TMEM132B: variants seen among roughly 807,000 people sequenced by gnomAD.
TMEM132B encodes the protein transmembrane protein 132B.
In TMEM132B, 18 loss-of-function variants were observed where a neutral mutation model predicts 90.8. The observed-to-expected ratio is 0.20, with a 90% CI of 0.14 to 0.29. The LOEUF is 0.29. Among genes scored for constraint, TMEM132B ranks in the 10% least tolerant of loss-of-function variants. TMEM132B has a pLI of 1.00. For missense variants in TMEM132B, 1,096 were observed against 1,326.8 expected, an observed-to-expected ratio of 0.83 and a Z score of 2.70; for synonymous variants, 504 against 523.3, an observed-to-expected ratio of 0.96 and a Z score of 0.50.
rs78404465 is a variant in TMEM132B, at chr12:125,202,732, T to C, written c.67+15866T>C. Among the ~76,000 whole-genome samples, 890 of 152,324 alleles carry C rather than the reference T, an allele frequency of 5.8e-3. 17 individuals carry two copies. Among genetic ancestry groups the C allele is most frequent in the African/African-American group, 0.02 (850 of 41,568 alleles). On this transcript the variant is annotated intron_variant, in intron 1 of 8. Transcript: ENST00000682704. ...GGGCTACACAAGACTGTGAACACCA[T>C]GAGGCCAGATCTTTGGAGGCTGTCC...
In TMEM132B at chr12:125,279,231, CAGGCTATAGGGCTGTTTGA is replaced by C. The variant is rs546119097; in HGVS notation, c.68-70217_68-70199del. Among the ~76,000 whole-genome samples, 979 of 152,280 alleles carry C rather than the reference CAGGCTATAGGGCTGTTTGA, an allele frequency of 6.4e-3. 4 individuals are homozygous for C. Among genetic ancestry groups the C allele is most frequent in the Middle Eastern group, 0.017 (5 of 294 alleles). On this transcript the variant is annotated intron_variant, in intron 1 of 8. Coordinates refer to ENST00000682704, the MANE Select transcript of TMEM132B (RefSeq NM_001366854.1). ...AGGCCATTGCCAGGTAGGTCCATCC[CAGGCTATAGGGCTGTTTGA>C]AGGGTATGCATAGAAAAATAAATGC...
chr12:125,541,298 G>A (rs77472532), intron 4 of TMEM132B, among the ~76,000 whole-genome samples: 8,617 of 152,274 alleles, frequency 0.057, 346 homozygotes, highest in Non-Finnish European at 0.08. Flanking sequence ...TTGAGTTTCA[G>A]AAGGAGCCAG....
chr12:125,243,220 T>G (rs1196250935), intron 1 of TMEM132B, among the ~76,000 whole-genome samples: 2 of 151,548 alleles, frequency 1.3e-5, no homozygotes, highest in Admixed American at 6.6e-5. Context: ...CTTGGCTCAC[T>G]GCAACCTCTG....
chr12:125,493,363 G>A (rs950765714), intron 3 of TMEM132B, among the ~76,000 whole-genome samples: 2 of 152,120 alleles, frequency 1.3e-5, no homozygotes, highest in Admixed American at 6.5e-5. Context: ...CAACCCTAAC[G>A]AGAAACACAC....
intron 3 of TMEM132B, among the ~76,000 whole-genome samples, chr12:125,453,496 A>G (rs1881211147): frequency 6.6e-6 from 1 of 152,230 alleles, no homozygotes; most frequent in South Asian, 2.1e-4. Context: ...CATTTATAAT[A>G]TTATCATGAT....
At chr12:125,249,823 C>T (rs1168992503) in intron 1 of TMEM132B, among the ~76,000 whole-genome samples, 2 of 152,216 alleles carry the variant, frequency 1.3e-5, no homozygotes, top group South Asian at 2.1e-4. Context: ...TCCTTAATCT[C>T]ATGTCACAGT....
chr12:125,602,689 C>T (rs536467603), intron 5 of TMEM132B, among the ~76,000 whole-genome samples: 12 of 152,222 alleles, frequency 7.9e-5, no homozygotes, highest in South Asian at 2.1e-4. Flanking sequence ...TGTTTGTAGA[C>T]GACATGATTC....
intron 5 of TMEM132B, among the ~76,000 whole-genome samples, chr12:125,606,661 G>A (rs577415732): frequency 6.6e-6 from 1 of 152,330 alleles, no homozygotes; most frequent in African/African-American, 2.4e-5. Flanking sequence ...CATAACCAAT[G>A]TTGTCAGAGC....
At chr12:125,608,671 C>T (rs879575365) in intron 5 of TMEM132B, among the ~76,000 whole-genome samples, 2 of 152,270 alleles carry the variant, frequency 1.3e-5, no homozygotes, top group East Asian at 1.9e-4. Context: ...AAGTTTTCCA[C>T]ATTTTCTTCT....
At chr12:125,589,338 C>T (rs572701371) in intron 5 of TMEM132B, among the ~76,000 whole-genome samples, 21 of 151,968 alleles carry the variant, frequency 1.4e-4, no homozygotes, top group Middle Eastern at 3.4e-3. Flanking sequence ...AAAAATTAGC[C>T]GGGCGTAGTG....
chr12:125,442,913 C>T (rs373147764), intron 3 of TMEM132B, among the ~76,000 whole-genome samples: 85 of 152,306 alleles, frequency 5.6e-4, no homozygotes, highest in African/African-American at 2.0e-3. Flanking sequence ...GGTCGCTAGT[C>T]GACAGTTCTA....
At position 125,505,193 on chromosome 12, in the gene TMEM132B, A is replaced by AC. The variant is rs1353849924; in HGVS notation, c.1107-14246_1107-14245insC. Among the ~76,000 whole-genome samples the AC allele has an allele frequency of 2.0e-3, 289 of 145,436 alleles. 7 individuals carry two copies. The highest frequency in any genetic ancestry group is 7.5e-3 in the African/African-American group (282 of 37,544). On this transcript the variant is annotated intron_variant, in intron 3 of 8. Coordinates refer to ENST00000682704, the MANE Select transcript of TMEM132B (RefSeq NM_001366854.1). ...AAAAAAAAAAAAAAAAAAAAAAAAA[A>AC]AACAGTAAGTGGGGACTTGTGCAAA...
Position 125,653,226 on chromosome 12 carries a change from C to T in TMEM132B, c.2107-339C>T, listed in dbSNP as rs79037655. Among the ~76,000 whole-genome samples, 387 of 152,236 alleles carry T rather than the reference C, an allele frequency of 2.5e-3. 4 individuals are homozygous for T. The East Asian group carries it at 0.047, about 18-fold the overall frequency. On this transcript the variant is annotated intron_variant, in intron 8 of 8. Coordinates refer to ENST00000682704, the MANE Select transcript of TMEM132B (RefSeq NM_001366854.1). ...AAGTGATATTATCTTGAGCAGTAGC[C>T]TGATTTGTTGCACCTGAAATTGATT...
intron 5 of TMEM132B, among the ~76,000 whole-genome samples, chr12:125,626,229 CT>C (rs1371734494): frequency 6.6e-6 from 1 of 151,084 alleles, no homozygotes; most frequent in East Asian, 2.0e-4. Context: ...TTATATATTC[CT>C]TTTGGTTTTC....
chr12:125,337,486 T>A (rs1877006979), intron 1 of TMEM132B, among the ~76,000 whole-genome samples: 1 of 152,166 alleles, frequency 6.6e-6, no homozygotes, highest in South Asian at 2.1e-4. Flanking sequence ...CTGTTTTGGC[T>A]TTAATGTGAT....
chr12:125,637,194 T>C lies in TMEM132B; in HGVS notation c.1438-6882T>C, dbSNP rs150706824. Among the ~76,000 whole-genome samples, 72 of 152,348 alleles carry C rather than the reference T, an allele frequency of 4.7e-4. 1 individual carries two copies. Among genetic ancestry groups the C allele is most frequent in the African/African-American group, 1.3e-3 (53 of 41,594 alleles). On this transcript the variant is annotated intron_variant, in intron 5 of 8. Coordinates refer to ENST00000682704, the MANE Select transcript of TMEM132B (RefSeq NM_001366854.1). ...CATTTCTGAGTTGAAACTGGGGATC[T>C]GGCTGTCTTGATTTTGTCTCCGATT...
At chr12:125,572,252 C>T (rs1209482141) in intron 4 of TMEM132B, among the ~76,000 whole-genome samples, 2 of 152,160 alleles carry the variant, frequency 1.3e-5, no homozygotes, top group African/African-American at 2.4e-5. Flanking sequence ...AAAATCCATG[C>T]GTTGGAAACT....
chr12:125,566,835 C>CTTTTTTTTTT (rs869196346), intron 4 of TMEM132B, among the ~76,000 whole-genome samples: 3 of 78,744 alleles, frequency 3.8e-5, no homozygotes, highest in East Asian at 4.3e-4. Flanking sequence ...TCTTCTTCTT[C>CTTTTTTTTTT]TTTTTTTTTT....
chr12:125,662,376 G>A (rs1887222612), downstream of TMEM132B: 1 of 152,142 alleles, frequency 6.6e-6, no homozygotes, highest in African/African-American at 2.4e-5. Context: ...ATGATTCCTT[G>A]TTATAGTAAA....
Sources: gnomAD v4.1 joint callset for allele counts (sites outside exome capture counted in the v4.1 genomes callset) on GRCh38, gnomAD v4.1.1 for gene constraint, MANE v1.5 for transcripts, NCBI Gene and HGNC (gene_info 2026-07-23, HGNC 2026-07-21) for gene names.